Variants in EPB41L4B observed in about 807,000 individuals in gnomAD.
EPB41L4B encodes the protein band 4.1-like protein 4B.
Under a neutral mutation model 112.5 loss-of-function variants are expected in EPB41L4B, and 30 were observed. The ratio of observed to expected loss-of-function variants is 0.27; its 90% CI spans 0.20 to 0.36. EPB41L4B has a LOEUF of 0.36. EPB41L4B is among the 10% of genes least tolerant of loss of function. EPB41L4B has a pLI of 1.00. For missense variants in EPB41L4B, 1,024 were observed against 1,133.3 expected, an observed-to-expected ratio of 0.90 and a Z score of 1.38; for synonymous variants, 408 against 439.7, an observed-to-expected ratio of 0.93 and a Z score of 0.90.
chr9:109,291,085 G>C (rs1251920763), intron 1 of EPB41L4B, among the ~76,000 whole-genome samples: 1 of 152,048 alleles, frequency 6.6e-6, no homozygotes, highest in Non-Finnish European at 1.5e-5. Context: ...ATGTCACAAA[G>C]GTTCTATGAC....
At chr9:109,300,895 T>G (rs976462567) in intron 1 of EPB41L4B, 2 of 152,180 alleles carry the variant, frequency 1.3e-5, no homozygotes, top group African/African-American at 4.8e-5. Flanking sequence ...ACATCCATAG[T>G]GCCTGTTACT....
intron 19 of EPB41L4B, among the ~76,000 whole-genome samples, chr9:109,201,466 G>GAAAAAAAAAAGA (rs1035267642): frequency 7.0e-6 from 1 of 143,166 alleles, no homozygotes; most frequent in South Asian, 2.3e-4. Flanking sequence ...AAAAAAAAAA[G>GAAAAAAAAAAGA]AAAAAAAAAG....
chr9:109,248,792 G>A (rs1834656983), intron 13 of EPB41L4B, among the ~76,000 whole-genome samples: 1 of 152,030 alleles, frequency 6.6e-6, no homozygotes, highest in Non-Finnish European at 1.5e-5. Flanking sequence ...GGGCGTGGTA[G>A]CTCACACCTG....
At position 109,208,306 on chromosome 9, in the gene EPB41L4B, A is replaced by G. The variant is rs145184359; in HGVS notation, c.1753-257T>C. Among the ~76,000 whole-genome samples the G allele has an allele frequency of 9.0e-3, 1,372 of 152,346 alleles. 11 individuals are homozygous for G. The highest frequency in any genetic ancestry group is 0.013 in the Non-Finnish European group (903 of 68,028). On this transcript the variant is annotated intron_variant, in intron 17 of 25. Transcript: ENST00000374566. Reference sequence around the variant, plus strand: ...TTTAAAGAGAAGAAAAGGCTTTTCCAGCATCATGGGGCAAGAGCCAGTGGC... The same window carrying G: ...TTTAAAGAGAAGAAAAGGCTTTTCCGGCATCATGGGGCAAGAGCCAGTGGC...
chr9:109,250,254 G>T (rs1379687574), intron 13 of EPB41L4B, among the ~76,000 whole-genome samples: 1 of 152,194 alleles, frequency 6.6e-6, no homozygotes, highest in Admixed American at 6.5e-5. Flanking sequence ...CTCCAGAGCT[G>T]GGTTAGAACA....
In EPB41L4B at chr9:109,213,688, G is replaced by A. The variant is rs150119949; in HGVS notation, c.1752+12C>T. ...AAGTCCATGGTCATGGCAGAGCCCCGGCCCTTGGCACCTTGTTTATGTTGA... is the reference window on the plus strand; with the variant it reads ...AAGTCCATGGTCATGGCAGAGCCCCAGCCCTTGGCACCTTGTTTATGTTGA... On this transcript the variant is annotated intron_variant, in intron 17 of 25. Transcript: ENST00000374566. 9.3e-6 allele frequency: 15 copies of A among 1,609,106 alleles called. No individual in the cohort carries two copies. Among genetic ancestry groups the A allele is most frequent in the African/African-American group, 5.3e-5 (4 of 74,942 alleles).
At chr9:109,293,707 A>C (rs1331556819) in intron 1 of EPB41L4B, among the ~76,000 whole-genome samples, 1 of 151,614 alleles carries the variant, frequency 6.6e-6, no homozygotes. Context: ...TTAAAAAAAA[A>C]AAAAAAAAAA....
intron 22 of EPB41L4B, among the ~76,000 whole-genome samples, chr9:109,186,672 G>A (rs1832280620): frequency 6.6e-6 from 1 of 151,906 alleles, no homozygotes; most frequent in Admixed American, 6.6e-5. Context: ...ATAGAGGCGA[G>A]GTCCCACTAT....
intron 1 of EPB41L4B, among the ~76,000 whole-genome samples, chr9:109,299,993 T>G (rs1032354231): frequency 6.6e-6 from 1 of 152,168 alleles, no homozygotes. Flanking sequence ...CCAAGTGGAT[T>G]CACCACAGTG....
chr9:109,219,197 C>T (rs1401610038), intron 15 of EPB41L4B, among the ~76,000 whole-genome samples: 1 of 152,132 alleles, frequency 6.6e-6, no homozygotes, highest in Non-Finnish European at 1.5e-5. Context: ...AGTCCTGCAT[C>T]CTTCTAATGA....
intron 1 of EPB41L4B, among the ~76,000 whole-genome samples, chr9:109,284,169 C>CA: frequency 6.6e-6 from 1 of 152,194 alleles, no homozygotes; most frequent in African/African-American, 2.4e-5. Flanking sequence ...ACGTGCTCAG[C>CA]AAAAATCATT....
chr9:109,218,073 G>A (rs2118841784), intron 15 of EPB41L4B, among the ~76,000 whole-genome samples: 1 of 149,482 alleles, frequency 6.7e-6, no homozygotes, highest in Non-Finnish European at 1.5e-5. Flanking sequence ...TTACATTCCA[G>A]ACCATGCTCT....
chr9:109,230,739 A>C (rs1192622244), intron 15 of EPB41L4B, among the ~76,000 whole-genome samples: 1 of 152,194 alleles, frequency 6.6e-6, no homozygotes, highest in East Asian at 1.9e-4. Context: ...ACATCTTAGA[A>C]GTGTCATACA....
chr9:109,189,221 G>A (rs575670277), intron 22 of EPB41L4B, among the ~76,000 whole-genome samples: 3 of 152,184 alleles, frequency 2.0e-5, no homozygotes, highest in East Asian at 1.9e-4. Context: ...ATGGAAAGAC[G>A]TGAAGCTGCA....
rs747453358 is a variant in EPB41L4B, at chr9:109,241,724, G to A, written c.1409+1894C>T. 1.9e-6 allele frequency: 3 copies of A among 1,614,116 alleles called. No homozygotes were observed. In the South Asian group the frequency reaches 3.3e-5, roughly 18 times the overall value. Reference sequence around the variant, plus strand: ...CTTTGCATCCCTCCTAAGTTCTTCTGGTTCTGGTCGTGGACATAATCAAAA... The same window carrying A: ...CTTTGCATCCCTCCTAAGTTCTTCTAGTTCTGGTCGTGGACATAATCAAAA... On this transcript the variant is annotated intron_variant, in intron 15 of 25. Transcript: ENST00000374566.
intron 1 of EPB41L4B, among the ~76,000 whole-genome samples, chr9:109,301,650 T>G (rs1168672778): frequency 6.6e-6 from 1 of 152,240 alleles, no homozygotes; most frequent in African/African-American, 2.4e-5. Context: ...CTCAGTATAA[T>G]GCATATGAAT....
chr9:109,306,666 TCCCAAG>T (rs1296927082), intron 1 of EPB41L4B, among the ~76,000 whole-genome samples: 1 of 151,782 alleles, frequency 6.6e-6, no homozygotes, highest in Admixed American at 6.6e-5. Context: ...GGGTCCCACC[TCCCAAG>T]CCCATCAATC....
chr9:109,234,045 T>C (rs538724223), intron 15 of EPB41L4B, among the ~76,000 whole-genome samples: 79 of 152,150 alleles, frequency 5.2e-4, no homozygotes, highest in Non-Finnish European at 1.1e-3. Context: ...CATAGCCTTG[T>C]TCACAGAGAA....
At position 109,247,710 on chromosome 9, in the gene EPB41L4B, T is replaced by A. The variant is rs750027917; in HGVS notation, c.1344+46A>T. ...AAAACCTTTTTTTAAATTTTATTTTTAAAATTTTCCTTCTTTAAAGAAAAC... is the reference window on the plus strand; with the variant it reads ...AAAACCTTTTTTTAAATTTTATTTTAAAAATTTTCCTTCTTTAAAGAAAAC... On this transcript the variant is annotated intron_variant, in intron 14 of 25. Transcript: ENST00000374566. 2.3e-6 allele frequency: 3 copies of A among 1,304,038 alleles called. No individual in the cohort carries two copies. In the South Asian group the frequency reaches 6.1e-5, roughly 27 times the overall value. The allele number at this position is 1,304,038 out of a possible 1,614,324, so 80.8% of individuals were successfully genotyped here.
Sources: gnomAD v4.1 joint callset for allele counts (sites outside exome capture counted in the v4.1 genomes callset) on GRCh38, gnomAD v4.1.1 for gene constraint, MANE v1.5 for transcripts, NCBI Gene and HGNC (gene_info 2026-07-23, HGNC 2026-07-21) for gene names.